The following PRKCE variants were observed in gnomAD, a reference collection of about 807,000 sequenced individuals.
PRKCE encodes the protein protein kinase C epsilon type.
Under a neutral mutation model 85.4 loss-of-function variants are expected in PRKCE, and 16 were observed. The observed-to-expected ratio is 0.19, with a 90% CI of 0.13 to 0.28. The LOEUF (loss-of-function observed/expected upper bound fraction) is 0.28. Ranked by LOEUF, PRKCE falls within the 10% of genes least tolerant of loss-of-function variation. The pLI, the probability that PRKCE is intolerant of heterozygous loss-of-function variation, is 1.00. For missense variants in PRKCE, 573 were observed against 975.2 expected, an observed-to-expected ratio of 0.59 and a Z score of 5.49; for synonymous variants, 388 against 371.5, an observed-to-expected ratio of 1.04 and a Z score of -0.51.
intron 2 of PRKCE, among the ~76,000 whole-genome samples, chr2:45,899,921 A>T (rs1696450099): frequency 6.6e-6 from 1 of 152,192 alleles, no homozygotes; most frequent in African/African-American, 2.4e-5. Flanking sequence ...AATATCCAGA[A>T]ATAAATCTTT....
At chr2:46,015,927 A>G (rs1393743815) in intron 10 of PRKCE, among the ~76,000 whole-genome samples, 2 of 152,270 alleles carry the variant, frequency 1.3e-5, no homozygotes, top group South Asian at 2.1e-4. Flanking sequence ...TGCTCAACAC[A>G]ATGAGTTGGT....
chr2:45,980,297 C>T lies in PRKCE; in HGVS notation c.609C>T (p.Val203=). ...VIGKQGYQCQ[V]CTCVVHKRCH... ...CCTTCCTGTCTTTGCTATTTGCAGT[C>T]TGCACCTGCGTGGTCCACAAGCGGT... is the stretch of plus-strand genomic sequence containing the variant. The change falls in exon 5 of 15, where the codon GTC becomes GTT. Residue 203 remains valine (V), a splice_region_variant and synonymous_variant. Coordinates refer to ENST00000306156, the MANE Select transcript of PRKCE (RefSeq NM_005400.3). The T allele has an allele frequency of 6.3e-7, 1 of 1,599,646 alleles. No individual in the cohort carries two copies.
intron 1 of PRKCE, among the ~76,000 whole-genome samples, chr2:45,755,449 T>G (rs1683924771): frequency 6.6e-6 from 1 of 152,216 alleles, no homozygotes; most frequent in South Asian, 2.1e-4. Context: ...CGGTCCTTCA[T>G]TCTACAGTGA....
chr2:46,129,052 C>G (rs925741676), intron 11 of PRKCE, among the ~76,000 whole-genome samples: 3 of 152,194 alleles, frequency 2.0e-5, no homozygotes, highest in African/African-American at 4.8e-5. Context: ...TTTCCCACTC[C>G]TATACTAGCT....
chr2:45,807,377 C>G (rs1179030527), intron 1 of PRKCE, among the ~76,000 whole-genome samples: 2 of 152,170 alleles, frequency 1.3e-5, no homozygotes, highest in Non-Finnish European at 2.9e-5. Context: ...TGCTGATGGC[C>G]CAGAATCATG....
chr2:45,766,915 C>A (rs1478566871), intron 1 of PRKCE, among the ~76,000 whole-genome samples: 1 of 152,068 alleles, frequency 6.6e-6, no homozygotes, highest in Non-Finnish European at 1.5e-5. Flanking sequence ...ATGGCGTGTG[C>A]CAGTAGTCCC....
chr2:45,893,407 G>T lies in PRKCE; in HGVS notation c.412+50344G>T, dbSNP rs112487882. ...CACCCTCTTGACCTCTTGCCCTCTC[G>T]CCCAAGCTGGAGTGCAGTGGCGCAA... On this transcript the variant is annotated intron_variant, in intron 2 of 14. Coordinates refer to ENST00000306156, the MANE Select transcript of PRKCE (RefSeq NM_005400.3). 8.7e-3 allele frequency among the ~76,000 whole-genome samples: 1,235 copies of T among 142,726 alleles called. 16 individuals carry two copies. The highest frequency in any genetic ancestry group is 0.03 in the African/African-American group (1,152 of 38,416). 93.6% of individuals were successfully genotyped at this position (142,726 alleles called of 152,430 possible). A position where few individuals can be genotyped will look rare whatever the true frequency, so the allele number is the denominator to read the frequency against.
chr2:45,731,915 G>C lies in PRKCE; in HGVS notation c.348+79467G>C, dbSNP rs72884491. The stretch of plus-strand genomic sequence containing the variant: ...CCAGTGTACCTGGCCAATTCCTGGA[G>C]CTTTTTACTGCTACAGACTGCCATG... On this transcript the variant is annotated intron_variant, in intron 1 of 14. Coordinates refer to ENST00000306156, the MANE Select transcript of PRKCE (RefSeq NM_005400.3). Among the ~76,000 whole-genome samples the C allele has an allele frequency of 3.3e-3, 508 of 152,224 alleles. 1 individual carries two copies. Among genetic ancestry groups the C allele is most frequent in the African/African-American group, 0.011 (471 of 41,534 alleles).
intron 10 of PRKCE, among the ~76,000 whole-genome samples, chr2:46,077,008 A>T (rs1390874103): frequency 1.3e-5 from 2 of 152,236 alleles, no homozygotes; most frequent in East Asian, 3.9e-4. Flanking sequence ...GGAATCGGGG[A>T]GGTGTTCACC....
At chr2:45,653,389 T>TTTTTTTTTTTTTTTTTG (rs1675229886) in intron 1 of PRKCE, among the ~76,000 whole-genome samples, 1 of 143,342 alleles carries the variant, frequency 7.0e-6, no homozygotes, top group Non-Finnish European at 1.5e-5. Context: ...TTTTTTTTTT[T>TTTTTTTTTTTTTTTTTG]TTTTTTCTCT....
intron 11 of PRKCE, among the ~76,000 whole-genome samples, chr2:46,099,088 C>T (rs1035266147): frequency 1.3e-4 from 20 of 152,168 alleles, no homozygotes; most frequent in African/African-American, 4.1e-4. Flanking sequence ...TCTCTTCTTC[C>T]AACATTCTTG....
rs1332507664 is a variant in PRKCE at position 46,082,082 on chromosome 2, A to G, written c.1438-4126A>G. On this transcript the variant is annotated intron_variant, in intron 10 of 14. Transcript: ENST00000306156. The stretch of plus-strand genomic sequence containing the variant: ...ACACTCCAGCCTGGGTGACAGAGCA[A>G]GACTCTCAAAAAAACTAAGCAGTGG... Among the ~76,000 whole-genome samples, 4 of 152,164 alleles carry G rather than the reference A, an allele frequency of 2.6e-5. No homozygotes were observed. In the East Asian group the frequency reaches 7.7e-4, roughly 29 times the overall value.
At chr2:45,833,494 G>A (rs1690604643) in intron 1 of PRKCE, among the ~76,000 whole-genome samples, 1 of 152,186 alleles carries the variant, frequency 6.6e-6, no homozygotes, top group African/African-American at 2.4e-5. Context: ...AGGAAGTTGT[G>A]TGCCAGACAG....
chr2:46,155,132 C>T lies in PRKCE; in HGVS notation c.1920+3903C>T, dbSNP rs957727978. ...TAAACGGAGACCCCTCATGATCCCC[C>T]AGCAGCAACGAGGACTTCACCTCAC... On this transcript the variant is annotated intron_variant, in intron 13 of 14. Transcript: ENST00000306156. This position sits in a 1 kb window ranked among gnomAD's most constrained non-coding sequence, Gnocchi z 4.7. 5.9e-5 allele frequency among the ~76,000 whole-genome samples: 9 copies of T among 152,190 alleles called. No individual in the cohort carries two copies. Among genetic ancestry groups the T allele is most frequent in the Non-Finnish European group, 1.0e-4 (7 of 68,032 alleles).
chr2:46,128,913 G>C (rs1216701039), intron 11 of PRKCE, among the ~76,000 whole-genome samples: 6 of 152,090 alleles, frequency 3.9e-5, no homozygotes, highest in Non-Finnish European at 5.9e-5. Context: ...CTTTGAACTT[G>C]AGGAAAATAT....
chr2:45,872,403 T>G (rs1206572832), intron 2 of PRKCE, among the ~76,000 whole-genome samples: 1 of 152,006 alleles, frequency 6.6e-6, no homozygotes, highest in Non-Finnish European at 1.5e-5. Context: ...TGCAGATCAG[T>G]TAGGACTCTG....
intron 1 of PRKCE, among the ~76,000 whole-genome samples, chr2:45,767,604 C>T (rs562933316): frequency 1.3e-5 from 2 of 152,170 alleles, no homozygotes; most frequent in Non-Finnish European, 2.9e-5. Flanking sequence ...ACTCAATCTC[C>T]GGGGGCATAA....
intron 1 of PRKCE, among the ~76,000 whole-genome samples, chr2:45,745,416 C>T (rs1683061401): frequency 1.3e-5 from 2 of 152,158 alleles, no homozygotes; most frequent in Non-Finnish European, 2.9e-5. Flanking sequence ...GCTTTCTCAT[C>T]CCTGTTCTCA....
At chr2:45,659,417 TC>T (rs1167235548) in intron 1 of PRKCE, among the ~76,000 whole-genome samples, 1 of 152,220 alleles carries the variant, frequency 6.6e-6, no homozygotes, top group African/African-American at 2.4e-5. Flanking sequence ...TGGGTCCAAG[TC>T]ACTATTATCT....
Sources: allele counts gnomAD v4.1 joint callset (sites outside exome capture counted in the v4.1 genomes callset), GRCh38; gene constraint gnomAD v4.1.1; non-coding constraint Gnocchi (gnomAD v3.1); transcripts MANE v1.5; gene names NCBI Gene and HGNC (gene_info 2026-07-23, HGNC 2026-07-21).